Variants in GDA observed in about 807,000 individuals in gnomAD.
The protein encoded by GDA is guanine deaminase.
A neutral mutation model predicts 59.6 loss-of-function variants in GDA; 18 were observed. The ratio of observed to expected loss-of-function variants is 0.30; its 90% CI spans 0.21 to 0.45. The LOEUF is 0.45. Among genes scored for constraint, GDA ranks in the 20% least tolerant of loss-of-function variants. The pLI, the probability that GDA is intolerant of heterozygous loss-of-function variation, is 1.00. For missense variants in GDA, 427 were observed against 552.3 expected (o/e 0.77, Z 2.27); for synonymous variants, 201 against 201.1 (o/e 1.00, Z 0.00).
At chr9:72,196,018 A>C (rs1366228381) in intron 2 of GDA, among the ~76,000 whole-genome samples, 3 of 152,186 alleles carry the variant, frequency 2.0e-5, no homozygotes, top group African/African-American at 7.2e-5. Flanking sequence ...GATAGAGGTT[A>C]ACTATTAAGA....
chr9:72,250,581 A>C lies in GDA; in HGVS notation c.*2239A>C, dbSNP rs1840582170. 2 of 1,490,428 alleles carry C rather than the reference A, an allele frequency of 1.3e-6. No individual in the cohort carries two copies. Among genetic ancestry groups the C allele is most frequent in the Non-Finnish European group, 1.8e-6 (2 of 1,128,162 alleles). The allele number at this position is 1,490,428 out of a possible 1,614,324, so 92.3% of individuals were successfully genotyped here. On this transcript the variant is annotated 3_prime_UTR_variant, in exon 14 of 14. Transcript: ENST00000358399. ...AGTGCGGTGTTCCTGAATGTTATGT[A>C]TGCTTTTTTTTCTGTACCACAGGCA...
intron 1 of GDA, among the ~76,000 whole-genome samples, chr9:72,135,403 C>T (rs1826184196): frequency 6.6e-6 from 1 of 152,100 alleles, no homozygotes. Flanking sequence ...CATTTGTATT[C>T]TCATGCTGAG....
At chr9:72,150,357 A>ACC (rs1396188316) in intron 1 of GDA, among the ~76,000 whole-genome samples, 49 of 151,746 alleles carry the variant, frequency 3.2e-4, no homozygotes, top group African/African-American at 1.0e-3. Flanking sequence ...ACACACACAC[A>ACC]CCATAGCCAT....
At chr9:72,131,538 A>G (rs749741555) in intron 1 of GDA, among the ~76,000 whole-genome samples, 4 of 152,088 alleles carry the variant, frequency 2.6e-5, no homozygotes, top group Non-Finnish European at 5.9e-5. Context: ...ACATTTCAAC[A>G]TGAGATTTGG....
intron 1 of GDA, among the ~76,000 whole-genome samples, chr9:72,171,893 C>T (rs1830017255): frequency 6.6e-6 from 1 of 152,164 alleles, no homozygotes; most frequent in Non-Finnish European, 1.5e-5. Context: ...ACACTCACAA[C>T]AACTTCATGA....
intron 10 of GDA, among the ~76,000 whole-genome samples, chr9:72,237,985 T>C (rs1055004428): frequency 6.6e-6 from 1 of 152,066 alleles, no homozygotes; most frequent in Non-Finnish European, 1.5e-5. Context: ...TCCATTGTGA[T>C]TTACAAAAGA....
rs561600773 is a variant in GDA, at chr9:72,125,233, C to T, written c.-100+10400C>T. On this transcript the variant is annotated intron_variant, in intron 1 of 13. Coordinates refer to the GDA transcript ENST00000545168. ...GCACTGGTTTCTGGTGGCTTCTGTTCCGTGGGCTTCTTTGGCAGCCTGGAG... is the reference window on the plus strand; with the variant it reads ...GCACTGGTTTCTGGTGGCTTCTGTTTCGTGGGCTTCTTTGGCAGCCTGGAG... Among the ~76,000 whole-genome samples, 6 of 152,160 alleles carry T rather than the reference C, an allele frequency of 3.9e-5. No individual in the cohort carries two copies. The South Asian group carries it at 6.2e-4, about 16-fold the overall frequency.
At chr9:72,237,136 C>A (rs1010564880) in intron 10 of GDA, among the ~76,000 whole-genome samples, 1 of 152,128 alleles carries the variant, frequency 6.6e-6, no homozygotes, top group Non-Finnish European at 1.5e-5. Flanking sequence ...CTGTCTGCCT[C>A]CCTTCATGGC....
chr9:72,145,742 T>A (rs928642824), upstream of GDA, among the ~76,000 whole-genome samples: 1 of 152,170 alleles, frequency 6.6e-6, no homozygotes, highest in Non-Finnish European at 1.5e-5. Context: ...AAATGAAGCT[T>A]TAAAATTTTT....
downstream of GDA, among the ~76,000 whole-genome samples, chr9:72,254,191 T>A (rs1840835776): frequency 6.6e-6 from 1 of 152,204 alleles, no homozygotes; most frequent in South Asian, 2.1e-4. Flanking sequence ...ATTAATTTTT[T>A]AAACTAATTC....
intron 1 of GDA, among the ~76,000 whole-genome samples, chr9:72,177,986 T>C (rs1425829517): frequency 1.3e-5 from 2 of 152,256 alleles, no homozygotes; most frequent in East Asian, 1.9e-4. Context: ...ACTTCTTTGC[T>C]GTACTTTCAT....
intron 2 of GDA, among the ~76,000 whole-genome samples, chr9:72,196,689 A>G (rs945093397): frequency 7.9e-5 from 12 of 152,124 alleles, no homozygotes; most frequent in African/African-American, 2.9e-4. Flanking sequence ...CCCGTCATCT[A>G]GGTTTTAAGC....
At chr9:72,121,070 A>G (rs1825643931) in intron 1 of GDA, among the ~76,000 whole-genome samples, 1 of 152,220 alleles carries the variant, frequency 6.6e-6, no homozygotes, top group Non-Finnish European at 1.5e-5. Flanking sequence ...AAGCATATAA[A>G]TAGCATTAAT....
chr9:72,258,966 TCTC>T (rs1381702440), downstream of GDA, among the ~76,000 whole-genome samples: 2 of 151,924 alleles, frequency 1.3e-5, no homozygotes, highest in Non-Finnish European at 2.9e-5. Context: ...TCATGAATGA[TCTC>T]CTCTGGCTGC....
chr9:72,197,719 A>G (rs1012371578), intron 2 of GDA, among the ~76,000 whole-genome samples: 2 of 152,200 alleles, frequency 1.3e-5, no homozygotes, highest in African/African-American at 4.8e-5. Flanking sequence ...GTCTTTGAAG[A>G]AAGATTATAT....
intron 1 of GDA, among the ~76,000 whole-genome samples, chr9:72,170,383 C>T (rs1481507601): frequency 6.6e-6 from 1 of 152,208 alleles, no homozygotes; most frequent in African/African-American, 2.4e-5. Flanking sequence ...TAGCTGTCTT[C>T]ATACCAGTAT....
chr9:72,123,258 A>G (rs1385816715), intron 1 of GDA, among the ~76,000 whole-genome samples: 7 of 140,488 alleles, frequency 5.0e-5, no homozygotes, highest in African/African-American at 1.9e-4. Context: ...ATCTCGGCTC[A>G]CTGCAAGCTC....
intron 13 of GDA, 70 bp downstream of exon 13, chr9:72,247,503 T>C: frequency 3.7e-6 from 3 of 814,954 alleles, no homozygotes; most frequent in Admixed American, 4.2e-5. Context: ...TGGGTATGGC[T>C]CTATGTATTT....
At chr9:72,128,720 G>GC (rs1352917653) in intron 1 of GDA, among the ~76,000 whole-genome samples, 4 of 152,176 alleles carry the variant, frequency 2.6e-5, no homozygotes, top group Admixed American at 2.0e-4. Context: ...AGACAGGCTG[G>GC]CAGCCAGCAT....
Sources: gnomAD v4.1 joint callset for allele counts (sites outside exome capture counted in the v4.1 genomes callset) on GRCh38, gnomAD v4.1.1 for gene constraint, MANE v1.5 for transcripts, NCBI Gene and HGNC (gene_info 2026-07-23, HGNC 2026-07-21) for gene names.